The following SRPX variants were observed in gnomAD, a reference collection of about 807,000 sequenced individuals.
The protein encoded by SRPX is sushi repeat containing protein X-linked.
SRPX carries 24 observed loss-of-function variants against 38.1 expected under a neutral mutation model. The ratio of observed to expected loss-of-function variants is 0.63; its 90% CI spans 0.46 to 0.89. The LOEUF (loss-of-function observed/expected upper bound fraction) is 0.89, where lower values mean the gene tolerates loss of function less well. Among genes scored for constraint, SRPX ranks in the 40% least tolerant of loss-of-function variants. The probability of loss-of-function intolerance (pLI) is 0.00; values close to 1 mark genes in which losing one functional copy is unlikely to be tolerated. For missense variants in SRPX, 416 were observed against 377.8 expected, an observed-to-expected ratio of 1.10 and a Z score of -0.84; for synonymous variants, 184 against 153.8, an observed-to-expected ratio of 1.20 and a Z score of -1.45.
intron 1 of SRPX, among the ~76,000 whole-genome samples, chrX:38,189,244 G>T (rs1473588301): frequency 1.8e-5 from 2 of 111,866 alleles, no homozygotes; most frequent in Non-Finnish European, 3.8e-5. Context: ...TTCAAATTAT[G>T]TTACCCTAGA....
At chrX:38,160,641 G>A (rs938792277) in intron 6 of SRPX, among the ~76,000 whole-genome samples, 1 of 111,654 alleles carries the variant, frequency 9.0e-6, no homozygotes, top group African/African-American at 3.3e-5. Context: ...CCTAAGCTCA[G>A]GGATGGAAAA....
chrX:38,186,050 G>A (rs1030516303), intron 1 of SRPX, among the ~76,000 whole-genome samples: 1 of 111,264 alleles, frequency 9.0e-6, no homozygotes, highest in African/African-American at 3.3e-5. Flanking sequence ...TTTAAGTGTG[G>A]AATGAATTTA....
chrX:38,157,077 G>A, intron 7 of SRPX, 48 bp from the exon 8 acceptor site: 2 of 1,187,667 alleles, frequency 1.7e-6, no homozygotes, highest in Middle Eastern at 4.7e-4. Flanking sequence ...CACTTGTTCT[G>A]GCTCAACAGA....
chrX:38,180,801 C>T (rs777760717), intron 1 of SRPX, among the ~76,000 whole-genome samples: 1 of 112,202 alleles, frequency 8.9e-6, no homozygotes, highest in South Asian at 3.7e-4. Context: ...TAATAATGTT[C>T]ATTTTGAAGA....
chrX:38,168,953 G>C (rs946694777), intron 4 of SRPX, among the ~76,000 whole-genome samples: 1 of 112,117 alleles, frequency 8.9e-6, no homozygotes, highest in Non-Finnish European at 1.9e-5. Flanking sequence ...GGGAGTTCAA[G>C]ACCAGCCTGG....
intron 1 of SRPX, among the ~76,000 whole-genome samples, chrX:38,188,335 A>T (rs1314364247): frequency 8.9e-6 from 1 of 112,229 alleles, no homozygotes; most frequent in Admixed American, 9.4e-5. Context: ...CATTCAGCTT[A>T]CCAAATCCCT....
chrX:38,178,613 CAGAG>C (rs1206013810), intron 1 of SRPX, among the ~76,000 whole-genome samples: 7 of 111,594 alleles, frequency 6.3e-5, no homozygotes, highest in Admixed American at 4.8e-4. Context: ...AATAGGGAAA[CAGAG>C]AGAGTCAACT....
intron 1 of SRPX, among the ~76,000 whole-genome samples, chrX:38,193,982 T>C (rs1938951597): frequency 8.9e-6 from 1 of 111,778 alleles, no homozygotes; most frequent in Admixed American, 9.5e-5. Context: ...TCACCTTTTA[T>C]TCTGAGGATA....
At chrX:38,214,937 G>C (rs1040511949) in intron 1 of SRPX, among the ~76,000 whole-genome samples, 3 of 111,751 alleles carry the variant, frequency 2.7e-5, no homozygotes, top group African/African-American at 9.8e-5. Context: ...CAGATCATGG[G>C]GTGTAATCAG....
At chrX:38,173,375 C>T (rs1938510584) in intron 3 of SRPX, among the ~76,000 whole-genome samples, 2 of 112,182 alleles carry the variant, frequency 1.8e-5, no homozygotes, top group African/African-American at 3.2e-5. Flanking sequence ...GGCACACTCA[C>T]TTTCATAAAT....
At chrX:38,214,915 G>A (rs1362129785) in intron 1 of SRPX, among the ~76,000 whole-genome samples, 3 of 111,911 alleles carry the variant, frequency 2.7e-5, no homozygotes, top group Non-Finnish European at 3.8e-5. Context: ...GCAGGCGAGC[G>A]TCATCCATTA....
intron 3 of SRPX, 122 bp downstream of exon 3, chrX:38,174,038 T>C (rs761098826): frequency 1.0e-5 from 5 of 495,310 alleles, no homozygotes; most frequent in Non-Finnish European, 1.5e-5. Flanking sequence ...ATCCCCCTGG[T>C]GTCCCCCTGA....
chrX:38,162,644 T>C (rs1237304934), intron 5 of SRPX, among the ~76,000 whole-genome samples: 1 of 111,489 alleles, frequency 9.0e-6, no homozygotes, highest in Non-Finnish European at 1.9e-5. Flanking sequence ...CAAAAACCCA[T>C]CTCTACTAAA....
At chrX:38,179,684 C>G (rs1330261531) in intron 1 of SRPX, among the ~76,000 whole-genome samples, 1 of 111,930 alleles carries the variant, frequency 8.9e-6, no homozygotes, top group African/African-American at 3.3e-5. Context: ...GGACTGTGTT[C>G]ATTAGGAAAA....
At chrX:38,210,716 C>T (rs760701029) in intron 1 of SRPX, among the ~76,000 whole-genome samples, 1 of 112,462 alleles carries the variant, frequency 8.9e-6, no homozygotes, top group Admixed American at 9.4e-5. Context: ...GCTACCAAGC[C>T]TCAAACCTTG....
intron 1 of SRPX, among the ~76,000 whole-genome samples, chrX:38,204,187 C>T (rs2147122566): frequency 9.0e-6 from 1 of 111,730 alleles, no homozygotes; most frequent in African/African-American, 3.2e-5. Context: ...GTAGGTGTGA[C>T]ATAATTGCCA....
chrX:38,199,021 G>A (rs1939054223), intron 1 of SRPX, among the ~76,000 whole-genome samples: 1 of 110,548 alleles, frequency 9.0e-6, no homozygotes, highest in East Asian at 2.9e-4. Context: ...GGCAAAAACC[G>A]CAATTACTTT....
chrX:38,198,860 A>T lies in SRPX; in HGVS notation c.98-20516T>A, dbSNP rs896802531. ...ACTCGTAATAAATATTTTATTTTTT[A>T]AAAAGTGCACAATTCAATGAACTGT... On this transcript the variant is annotated intron_variant, in intron 1 of 9. Transcript: ENST00000378533. Among the ~76,000 whole-genome samples the T allele has an allele frequency of 3.6e-5, 4 of 111,405 alleles. No homozygotes were observed. The Admixed American group carries it at 3.8e-4, about 11-fold the overall frequency.
intron 1 of SRPX, among the ~76,000 whole-genome samples, chrX:38,195,909 AG>A (rs1272975140): frequency 8.9e-6 from 1 of 112,039 alleles, no homozygotes; most frequent in Non-Finnish European, 1.9e-5. Flanking sequence ...TCCAGATCCA[AG>A]GAAACTACAT....
Sources: gnomAD v4.1 joint callset for allele counts (sites outside exome capture counted in the v4.1 genomes callset) on GRCh38, gnomAD v4.1.1 for gene constraint, MANE v1.5 for transcripts, NCBI Gene and HGNC (gene_info 2026-07-23, HGNC 2026-07-21) for gene names.